NRG1: variants seen among roughly 807,000 people sequenced by gnomAD.
NRG1 encodes the protein pro-neuregulin-1, membrane-bound isoform.
NRG1 carries 18 observed loss-of-function variants against 63.8 expected under a neutral mutation model. The observed-to-expected ratio is 0.28, with a 90% CI of 0.19 to 0.42. The LOEUF (loss-of-function observed/expected upper bound fraction) is 0.42. NRG1 is among the 10% of genes least tolerant of loss of function. The probability of loss-of-function intolerance (pLI) is 1.00; values close to 1 mark genes in which losing one functional copy is unlikely to be tolerated. For synonymous variants in NRG1, 302 were observed against 301.3 expected (o/e 1.00, Z -0.02); for missense variants, 762 against 814.7 (o/e 0.94, Z 0.79).
intron 1 of NRG1, among the ~76,000 whole-genome samples, chr8:31,877,846 C>A (rs1045564689): frequency 2.8e-4 from 43 of 152,168 alleles, no homozygotes; most frequent in African/African-American, 9.7e-4. Flanking sequence ...AATCCTCCTG[C>A]TTCTCCTAAA....
intron 1 of NRG1, among the ~76,000 whole-genome samples, chr8:32,302,412 C>A (rs1042827588): frequency 6.6e-6 from 1 of 152,142 alleles, no homozygotes; most frequent in Admixed American, 6.6e-5. Context: ...AAATAATAAA[C>A]GAGGCTGTGT....
Position 32,092,461 on chromosome 8 carries a change from CAAA to C in NRG1, c.37+453046_37+453048del, listed in dbSNP as rs71208167. 4.4e-4 allele frequency among the ~76,000 whole-genome samples: 37 copies of C among 83,698 alleles called. No individual in the cohort carries two copies. In the South Asian group the frequency reaches 0.016, roughly 36 times the overall value. The allele number at this position is 83,698 out of a possible 152,430, so 54.9% of individuals were successfully genotyped here. A position where few individuals can be genotyped will look rare whatever the true frequency, so the allele number is the denominator to read the frequency against. On this transcript the variant is annotated intron_variant, in intron 1 of 10. Coordinates refer to the NRG1 transcript ENST00000519301. ...TGGGTGACAGAGCAAGACCCTGTCT[CAAA>C]AAAAAAAAAAAAAAAGAAAAAGAAA...
intron 1 of NRG1, among the ~76,000 whole-genome samples, chr8:31,971,966 C>G (rs1807359163): frequency 6.6e-6 from 1 of 152,126 alleles, no homozygotes; most frequent in Non-Finnish European, 1.5e-5. Flanking sequence ...TCTGCATTTT[C>G]TTCCTGCATT....
chr8:32,269,053 C>T (rs1265460037), intron 1 of NRG1, among the ~76,000 whole-genome samples: 1 of 151,934 alleles, frequency 6.6e-6, no homozygotes, highest in African/African-American at 2.4e-5. Flanking sequence ...TACATTCCTC[C>T]TTCCCTCCTT....
chr8:32,522,225 G>C (rs1438728137), intron 1 of NRG1, among the ~76,000 whole-genome samples: 3 of 152,156 alleles, frequency 2.0e-5, no homozygotes, highest in Non-Finnish European at 4.4e-5. Context: ...CCTCCAATGA[G>C]AACCCCTTCT....
chr8:31,695,489 T>C (rs145600916), intron 1 of NRG1, among the ~76,000 whole-genome samples: 29 of 152,258 alleles, frequency 1.9e-4, no homozygotes, highest in African/African-American at 6.7e-4. Context: ...TTAAATCTTT[T>C]AAATAACCAG....
intron 1 of NRG1, among the ~76,000 whole-genome samples, chr8:31,893,585 T>TAACAGAAAAC (rs1831322415): frequency 6.6e-6 from 1 of 151,396 alleles, no homozygotes; most frequent in East Asian, 1.9e-4. Context: ...AAAAAAATCA[T>TAACAGAAAAC]AAGAGAAAAC....
intron 1 of NRG1, among the ~76,000 whole-genome samples, chr8:32,206,687 A>G (rs1844100710): frequency 6.6e-6 from 1 of 152,188 alleles, no homozygotes; most frequent in Admixed American, 6.5e-5. Context: ...GTTTCATTAC[A>G]TGGATGTATT....
At chr8:32,183,211 G>A (rs1030141602) in intron 1 of NRG1, among the ~76,000 whole-genome samples, 1 of 152,112 alleles carries the variant, frequency 6.6e-6, no homozygotes, top group Non-Finnish European at 1.5e-5. Context: ...CTGAAGACTA[G>A]CCCTTTATTA....
At chr8:32,669,166 T>A (rs966739384) in intron 5 of NRG1, among the ~76,000 whole-genome samples, 2 of 152,180 alleles carry the variant, frequency 1.3e-5, no homozygotes, top group African/African-American at 4.8e-5. Flanking sequence ...CCAGTTCTCA[T>A]TCATGATGAG....
At chr8:32,530,148 C>T (rs1831298463) in intron 1 of NRG1, among the ~76,000 whole-genome samples, 1 of 151,940 alleles carries the variant, frequency 6.6e-6, no homozygotes, top group Non-Finnish European at 1.5e-5. Context: ...CACTCTGTCG[C>T]CCAGGCTGGA....
chr8:31,900,568 T>C (rs1486639332), intron 1 of NRG1, among the ~76,000 whole-genome samples: 3 of 152,184 alleles, frequency 2.0e-5, no homozygotes, highest in African/African-American at 4.8e-5. Flanking sequence ...GAAAGAGTCT[T>C]TATCAGCCAT....
intron 1 of NRG1, among the ~76,000 whole-genome samples, chr8:32,094,992 A>T (rs753270890): frequency 5.3e-5 from 8 of 150,880 alleles, no homozygotes; most frequent in Admixed American, 5.3e-4. Flanking sequence ...GCTCACTGCA[A>T]CCTCTGTCTC....
At chr8:32,109,728 C>T (rs1400592628) in intron 1 of NRG1, among the ~76,000 whole-genome samples, 1 of 152,114 alleles carries the variant, frequency 6.6e-6, no homozygotes, top group African/African-American at 2.4e-5. Flanking sequence ...AGTTCCCCTT[C>T]AGTTCCCCTC....
chr8:31,779,916 G>A (rs562384630), intron 1 of NRG1, among the ~76,000 whole-genome samples: 9 of 152,316 alleles, frequency 5.9e-5, no homozygotes, highest in African/African-American at 2.2e-4. Flanking sequence ...AGGGAATAAA[G>A]TATTCTTGCT....
At chr8:32,041,692 C>T (rs73588430) in intron 1 of NRG1, among the ~76,000 whole-genome samples, 1 of 152,104 alleles carries the variant, frequency 6.6e-6, no homozygotes, top group Non-Finnish European at 1.5e-5. Context: ...TCTGTGTATT[C>T]CTTCTTGGCC....
chr8:32,681,488 T>G (rs1808610166), intron 5 of NRG1, among the ~76,000 whole-genome samples: 1 of 152,100 alleles, frequency 6.6e-6, no homozygotes, highest in African/African-American at 2.4e-5. Context: ...TTAAAATGTA[T>G]TAACTGAGAA....
At chr8:31,737,192 C>T (rs1814764579) in intron 1 of NRG1, among the ~76,000 whole-genome samples, 1 of 152,050 alleles carries the variant, frequency 6.6e-6, no homozygotes, top group Non-Finnish European at 1.5e-5. Flanking sequence ...GAATTTGATA[C>T]ACCTTCTCCA....
chr8:32,591,230 T>C (rs1371446122), intron 1 of NRG1, among the ~76,000 whole-genome samples: 3 of 152,180 alleles, frequency 2.0e-5, no homozygotes, highest in African/African-American at 7.2e-5. Flanking sequence ...GGGACATTAT[T>C]ACACCTGGAC....
Sources: allele counts gnomAD v4.1 joint callset (sites outside exome capture counted in the v4.1 genomes callset), GRCh38; gene constraint gnomAD v4.1.1; transcripts MANE v1.5; gene names NCBI Gene and HGNC (gene_info 2026-07-23, HGNC 2026-07-21).